The following GPC5 variants were observed in gnomAD, a reference collection of about 807,000 sequenced individuals.
GPC5 encodes glypican-5.
Under a neutral mutation model 53.9 loss-of-function variants are expected in GPC5, and 47 were observed. The ratio of observed to expected loss-of-function variants is 0.87; its 90% CI spans 0.69 to 1.11. The LOEUF (loss-of-function observed/expected upper bound fraction) is 1.11, where lower values mean the gene tolerates loss of function less well. Ranked by LOEUF, GPC5 falls within the 50% of genes most tolerant of loss-of-function variation. The pLI is 0.00. For synonymous variants in GPC5, 286 were observed against 263.3 expected (o/e 1.09, Z -0.84); for missense variants, 748 against 713.1 (o/e 1.05, Z -0.56).
chr13:91,579,624 C>CTTTTTTTTTTT (rs3055895), intron 2 of GPC5, among the ~76,000 whole-genome samples: 315 of 102,492 alleles, frequency 3.1e-3, no homozygotes, highest in East Asian at 5.2e-3. Flanking sequence ...TTTTCTTTTT[C>CTTTTTTTTTTT]TTTTTTTTTT....
intron 6 of GPC5, among the ~76,000 whole-genome samples, chr13:92,116,831 T>C (rs2041605449): frequency 6.6e-6 from 1 of 152,276 alleles, no homozygotes; most frequent in Non-Finnish European, 1.5e-5. Flanking sequence ...TGTGTGCTTA[T>C]CTATTATCAA....
chr13:92,135,935 G>T (rs2138968935), intron 6 of GPC5, among the ~76,000 whole-genome samples: 1 of 152,324 alleles, frequency 6.6e-6, no homozygotes, highest in South Asian at 2.1e-4. Context: ...GTGAAGATTT[G>T]TGGTATTTGG....
intron 2 of GPC5, among the ~76,000 whole-genome samples, chr13:91,569,984 TA>T (rs2031710547): frequency 6.6e-6 from 1 of 152,140 alleles, no homozygotes; most frequent in Non-Finnish European, 1.5e-5. Context: ...ACGAAGATAA[TA>T]ATGAAAGAAT....
chr13:92,411,390 G>C (rs976827422), intron 7 of GPC5, among the ~76,000 whole-genome samples: 1 of 152,200 alleles, frequency 6.6e-6, no homozygotes, highest in Non-Finnish European at 1.5e-5. Flanking sequence ...ATTTGCAGAT[G>C]ATATTACTTG....
chr13:92,536,378 A>G (rs1348221652), intron 7 of GPC5, among the ~76,000 whole-genome samples: 1 of 152,176 alleles, frequency 6.6e-6, no homozygotes, highest in African/African-American at 2.4e-5. Flanking sequence ...TACTAATAAA[A>G]GGGAAATAGA....
intron 4 of GPC5, among the ~76,000 whole-genome samples, chr13:91,746,139 C>T (rs986647117): frequency 7.9e-5 from 12 of 152,118 alleles, no homozygotes; most frequent in Non-Finnish European, 1.5e-4. Context: ...ACATTTTAAA[C>T]GTCTACTGTT....
In GPC5 at chr13:91,438,018, G is replaced by A. The variant is rs1345447929; in HGVS notation, c.164-10743G>A. 3.5e-5 allele frequency among the ~76,000 whole-genome samples: 5 copies of A among 144,130 alleles called. No individual in the cohort carries two copies. In the South Asian group the frequency reaches 7.0e-4, roughly 20 times the overall value. The allele number at this position is 144,130 out of a possible 152,430, so 94.6% of individuals were successfully genotyped here. The stretch of plus-strand genomic sequence containing the variant: ...GTGCCTTGGTTTTCAGCTTCATCAG[G>A]TCCTTTAAGGACTTCTCTGCATTGG... On this transcript the variant is annotated intron_variant, in intron 1 of 7. Transcript: ENST00000377067.
chr13:92,664,968 T>C (rs1311629046), intron 7 of GPC5, among the ~76,000 whole-genome samples: 1 of 152,164 alleles, frequency 6.6e-6, no homozygotes, highest in Non-Finnish European at 1.5e-5. Context: ...GCAGATGTTA[T>C]AAAGGATATG....
chr13:91,702,088 A>G (rs757701645), intron 3 of GPC5, among the ~76,000 whole-genome samples: 20 of 152,066 alleles, frequency 1.3e-4, no homozygotes. Flanking sequence ...GGCCATTTGT[A>G]TGTTTTCCTT....
chr13:91,911,053 G>C (rs1300506708), intron 6 of GPC5, among the ~76,000 whole-genome samples: 1 of 152,060 alleles, frequency 6.6e-6, no homozygotes, highest in African/African-American at 2.4e-5. Context: ...ACTGTGTCTG[G>C]GGCAGAAGGA....
At chr13:92,532,210 T>C (rs1287626600) in intron 7 of GPC5, among the ~76,000 whole-genome samples, 1 of 152,194 alleles carries the variant, frequency 6.6e-6, no homozygotes, top group Non-Finnish European at 1.5e-5. Context: ...GAAAAATCCC[T>C]ATCCACAGGG....
chr13:91,662,478 A>G (rs1013371364), intron 2 of GPC5, among the ~76,000 whole-genome samples: 3 of 152,186 alleles, frequency 2.0e-5, no homozygotes, highest in Non-Finnish European at 4.4e-5. Flanking sequence ...GATAATGTAT[A>G]AATCTTGAGT....
intron 6 of GPC5, among the ~76,000 whole-genome samples, chr13:92,062,440 C>A (rs1055102189): frequency 2.0e-5 from 3 of 151,914 alleles, no homozygotes; most frequent in Non-Finnish European, 4.4e-5. Flanking sequence ...TTCCTTTACA[C>A]AAAGTTTGGC....
intron 7 of GPC5, among the ~76,000 whole-genome samples, chr13:92,822,466 A>T (rs1208553726): frequency 6.6e-6 from 1 of 152,126 alleles, no homozygotes; most frequent in Admixed American, 6.6e-5. Context: ...CTTAAACCCC[A>T]AAAGTCTGAA....
At position 91,914,231 on chromosome 13, in the gene GPC5, C is replaced by T. The variant is rs552656778; in HGVS notation, c.1401+6174C>T. ...AGTTGAGAATTATAATGCCCCATTG[C>T]TTAGAAATTAATTTACCTACTTTCA... is the stretch of plus-strand genomic sequence containing the variant. On this transcript the variant is annotated intron_variant, in intron 6 of 7. Coordinates refer to ENST00000377067, the MANE Select transcript of GPC5 (RefSeq NM_004466.6). 1.1e-4 allele frequency among the ~76,000 whole-genome samples: 16 copies of T among 152,224 alleles called. No homozygotes were observed. The South Asian group carries it at 3.1e-3, about 30-fold the overall frequency.
intron 2 of GPC5, among the ~76,000 whole-genome samples, chr13:91,650,850 C>A (rs1232816686): frequency 6.9e-6 from 1 of 145,676 alleles, no homozygotes; most frequent in Non-Finnish European, 1.5e-5. Context: ...TATAAAATTT[C>A]ATGGTGAAAT....
chr13:91,436,550 G>C (rs1419459926), intron 1 of GPC5, among the ~76,000 whole-genome samples: 2 of 152,206 alleles, frequency 1.3e-5, no homozygotes, highest in African/African-American at 4.8e-5. Flanking sequence ...TGGTCTGAGA[G>C]ACAGTTTGTT....
intron 2 of GPC5, among the ~76,000 whole-genome samples, chr13:91,557,446 A>C (rs2031022391): frequency 6.6e-6 from 1 of 152,100 alleles, no homozygotes; most frequent in Non-Finnish European, 1.5e-5. Context: ...ACCTGCCTCT[A>C]AGCTTCATGA....
intron 6 of GPC5, among the ~76,000 whole-genome samples, chr13:91,943,903 T>G (rs2039950933): frequency 6.6e-6 from 1 of 152,122 alleles, no homozygotes; most frequent in African/African-American, 2.4e-5. Flanking sequence ...GGATTTCTGG[T>G]ATTCTATGGC....
Sources: allele counts gnomAD v4.1 joint callset (sites outside exome capture counted in the v4.1 genomes callset), GRCh38; gene constraint gnomAD v4.1.1; transcripts MANE v1.5; gene names NCBI Gene and HGNC (gene_info 2026-07-23, HGNC 2026-07-21).